SNED1: variants seen among roughly 807,000 people sequenced by gnomAD.
The protein encoded by SNED1 is sushi, nidogen and EGF like domains 1.
A neutral mutation model predicts 166.7 loss-of-function variants in SNED1; 81 were observed. The ratio of observed to expected loss-of-function variants is 0.49; its 90% CI spans 0.41 to 0.58. SNED1 has a LOEUF of 0.58. Among genes scored for constraint, SNED1 ranks in the 20% least tolerant of loss-of-function variants. The pLI is 0.00. For missense variants in SNED1, 1,604 were observed against 2,000.2 expected (o/e 0.80, Z 3.78); for synonymous variants, 762 against 822.0 (o/e 0.93, Z 1.25).
chr2:241,016,854 T>C lies in SNED1; in HGVS notation c.214-13430T>C, dbSNP rs562173205. On this transcript the variant is annotated intron_variant, in intron 1 of 31. Transcript: ENST00000310397. ...AAGTTGCATTTTTCTTTCTTTCTTTTTTTTTTTTTTTTTTGAGACGGAGGT... is the reference window on the plus strand; with the variant it reads ...AAGTTGCATTTTTCTTTCTTTCTTTCTTTTTTTTTTTTTTGAGACGGAGGT... Among the ~76,000 whole-genome samples the C allele has an allele frequency of 1.9e-4, 28 of 149,360 alleles. No individual in the cohort carries two copies. The South Asian group carries it at 1.9e-3, about 10-fold the overall frequency.
intron 16 of SNED1, among the ~76,000 whole-genome samples, chr2:241,053,661 G>A (rs535188244): frequency 6.6e-5 from 10 of 152,310 alleles, no homozygotes; most frequent in African/African-American, 4.8e-5. Flanking sequence ...AGCCAGATAC[G>A]GATTCAGGAC....
At chr2:241,046,441 C>T (rs957174186) in intron 8 of SNED1, among the ~76,000 whole-genome samples, 1 of 152,132 alleles carries the variant, frequency 6.6e-6, no homozygotes. Flanking sequence ...AATTGTGGAA[C>T]CTCTGTATGG....
At position 241,071,565 on chromosome 2, in the gene SNED1, C is replaced by G; in HGVS notation, c.3590-11C>G. The G allele has an allele frequency of 6.3e-7, 1 of 1,576,146 alleles. No individual in the cohort carries two copies. Among genetic ancestry groups the G allele is most frequent in the Non-Finnish European group, 8.6e-7 (1 of 1,168,864 alleles). On this transcript the variant is annotated splice_polypyrimidine_tract_variant and intron_variant, in intron 24 of 31. Coordinates refer to ENST00000310397, the MANE Select transcript of SNED1 (RefSeq NM_001080437.3). ...CCCCAGACCAGCCCCTTCCTCCTGC[C>G]TGCTCTGCAGCCCCCAGGGATGGCG... is the stretch of plus-strand genomic sequence containing the variant.
chr2:241,036,835 G>T lies in SNED1; in HGVS notation c.851G>T (p.Cys284Phe). ...CGCCCCTGCCTCAACGGCGGCAAGT[G>T]CATCGACGACTGCGTCACGGGCAAC... ...ALRPCLNGGK[C>F]IDDCVTGNPS... Residue 284 changes from cysteine to phenylalanine, a missense_variant, in exon 5 of 32, where the codon TGC (cysteine) becomes TTC (phenylalanine). Coordinates refer to ENST00000310397, the MANE Select transcript of SNED1 (RefSeq NM_001080437.3). 1 of 1,611,282 alleles carries T rather than the reference G, an allele frequency of 6.2e-7. No individual in the cohort carries two copies. Among genetic ancestry groups the T allele is most frequent in the Non-Finnish European group, 8.5e-7 (1 of 1,179,714 alleles).
chr2:241,054,581 A>G (rs2061986381), intron 16 of SNED1, among the ~76,000 whole-genome samples: 1 of 152,234 alleles, frequency 6.6e-6, no homozygotes, highest in Non-Finnish European at 1.5e-5. Flanking sequence ...CAAAAAAAGA[A>G]AATGGATTAA....
At chr2:241,019,911 T>C (rs961604114) in intron 1 of SNED1, among the ~76,000 whole-genome samples, 20 of 152,010 alleles carry the variant, frequency 1.3e-4, no homozygotes, top group African/African-American at 4.8e-4. Flanking sequence ...GGCCACAGGG[T>C]CTCTGCTGTT....
chr2:241,051,650 C>T lies in SNED1; in HGVS notation c.1736-94C>T, dbSNP rs572457143. ...GGCTTCGTCGAGAAGGCCCCACCAG[C>T]ACCAGAGGACTGAGGAGATGCCAGG... On this transcript the variant is annotated intron_variant, in intron 12 of 31. Transcript: ENST00000310397. This position sits in a 1 kb window ranked among gnomAD's most constrained non-coding sequence, Gnocchi z 4.7. 4.9e-6 allele frequency: 5 copies of T among 1,021,314 alleles called. No homozygotes were observed. The East Asian group carries it at 8.2e-5, about 17-fold the overall frequency. 63.3% of individuals were successfully genotyped at this position (1,021,314 alleles called of 1,614,324 possible).
intron 1 of SNED1, among the ~76,000 whole-genome samples, chr2:241,017,971 G>C (rs1038927416): frequency 6.6e-6 from 1 of 152,164 alleles, no homozygotes; most frequent in Admixed American, 6.5e-5. Context: ...AACTCGTCCT[G>C]GTTTATCCGG....
chr2:241,035,678 A>T (rs920725626), intron 4 of SNED1: 3 of 147,730 alleles, frequency 2.0e-5, no homozygotes, highest in African/African-American at 7.5e-5. Context: ...CGACAGGGGT[A>T]GCAGATGCGC....
chr2:241,048,818 G>A (rs961368490), intron 10 of SNED1, 52 bp downstream of exon 10: 13 of 1,458,922 alleles, frequency 8.9e-6, no homozygotes, highest in East Asian at 7.1e-5. Flanking sequence ...CCTCATAATC[G>A]GGAAATGAAT....
chr2:241,070,874 G>A (rs2062676334), intron 24 of SNED1, among the ~76,000 whole-genome samples: 1 of 152,246 alleles, frequency 6.6e-6, no homozygotes, highest in South Asian at 2.1e-4. Context: ...ACAGAGCAGA[G>A]CAGTGCGCGG....
At chr2:241,061,581 C>T (rs1269325190) in intron 16 of SNED1, among the ~76,000 whole-genome samples, 1 of 152,132 alleles carries the variant, frequency 6.6e-6, no homozygotes, top group Admixed American at 6.6e-5. Context: ...TACACAGCAA[C>T]ATTTTTTGTA....
In SNED1 at chr2:241,044,713, T is replaced by G. The variant is rs1234977394; in HGVS notation, c.1274-3602T>G. 6.5e-4 allele frequency among the ~76,000 whole-genome samples: 99 copies of G among 152,300 alleles called. 1 individual carries two copies. The highest frequency in any genetic ancestry group is 2.2e-3 in the African/African-American group (92 of 41,576). On this transcript the variant is annotated intron_variant, in intron 8 of 31. Transcript: ENST00000310397. ...GGGGAATCCTCAAGTGCCCTTAAACTGCGAAGGAAGAAACCTTCCTCTCCA... is the reference window on the plus strand; with the variant it reads ...GGGGAATCCTCAAGTGCCCTTAAACGGCGAAGGAAGAAACCTTCCTCTCCA...
At chr2:241,082,442 C>T (rs913284768) in intron 29 of SNED1, 78 bp downstream of exon 29, 5 of 1,092,294 alleles carry the variant, frequency 4.6e-6, no homozygotes, top group South Asian at 4.2e-5. Flanking sequence ...TCAAAGCTAC[C>T]CAGCTAACCC....
Position 241,069,776 on chromosome 2 carries a change from C to G in SNED1, c.3308-144C>G. ...GTGCTGTACGTGCCAGCCCACACCC[C>G]GCCTCGGCACTGTACCATTCTCCAT... On this transcript the variant is annotated intron_variant, in intron 23 of 31. Transcript: ENST00000310397. This position sits in a 1 kb window ranked among gnomAD's most constrained non-coding sequence, Gnocchi z 4.9. 2 of 939,402 alleles carry G rather than the reference C, an allele frequency of 2.1e-6. No homozygotes were observed. The highest frequency in any genetic ancestry group is 3.1e-6 in the Non-Finnish European group (2 of 640,874). The allele number at this position is 939,402 out of a possible 1,614,324, so 58.2% of individuals were successfully genotyped here. A position where few individuals can be genotyped will look rare whatever the true frequency, so the allele number is the denominator to read the frequency against.
chr2:241,056,771 CAG>C (rs1248173298), intron 16 of SNED1, among the ~76,000 whole-genome samples: 3 of 151,342 alleles, frequency 2.0e-5, no homozygotes, highest in Admixed American at 6.6e-5. Context: ...TTAGTAGAGA[CAG>C]GGTTTCACCG....
intron 1 of SNED1, among the ~76,000 whole-genome samples, chr2:241,000,736 C>A (rs1174531226): frequency 6.6e-6 from 1 of 152,252 alleles, no homozygotes; most frequent in Non-Finnish European, 1.5e-5. Flanking sequence ...CAGAAATGAA[C>A]CTTCTGGCTG....
intron 1 of SNED1, among the ~76,000 whole-genome samples, chr2:241,003,913 C>T (rs761634823): frequency 2.0e-5 from 3 of 152,260 alleles, no homozygotes; most frequent in African/African-American, 4.8e-5. Flanking sequence ...ATTTATACTG[C>T]CCTCTGCCTT....
intron 1 of SNED1, among the ~76,000 whole-genome samples, chr2:241,026,248 C>A (rs2060965950): frequency 6.6e-6 from 1 of 152,098 alleles, no homozygotes; most frequent in Non-Finnish European, 1.5e-5. Context: ...GAACCCCTGA[C>A]CTCATGATCC....
Sources: allele counts gnomAD v4.1 joint callset (sites outside exome capture counted in the v4.1 genomes callset), GRCh38; gene constraint gnomAD v4.1.1; non-coding constraint Gnocchi (gnomAD v3.1); transcripts MANE v1.5; gene names NCBI Gene and HGNC (gene_info 2026-07-23, HGNC 2026-07-21).